The following IAPP variants were observed in gnomAD, a reference collection of about 807,000 sequenced individuals.
IAPP encodes the protein Islet amyloid polypeptide (diabetes-associated peptide; amylin).
Under a neutral mutation model 2.9 loss-of-function variants are expected in IAPP, and 4 were observed. The observed-to-expected ratio is 1.39, with a 90% CI of 0.69 to 3.19. IAPP has a LOEUF of 3.19. Ranked by LOEUF, IAPP falls within the 30% of genes most tolerant of loss-of-function variation. The pLI is 0.01. For synonymous variants in IAPP, 40 were observed against 42.1 expected, an observed-to-expected ratio of 0.95 and a Z score of 0.19; for missense variants, 114 against 105.3, an observed-to-expected ratio of 1.08 and a Z score of -0.36.
Position 21,378,504 on chromosome 12 carries a change from C to A in IAPP, c.*78C>A. ...AATTTAACAGTGCCCTTTTCATCTCCAGTGTGAATATATGGTCTGTGTGTC... is the reference window on the plus strand; with the variant it reads ...AATTTAACAGTGCCCTTTTCATCTCAAGTGTGAATATATGGTCTGTGTGTC... On this transcript the variant is annotated 3_prime_UTR_variant, in exon 3 of 3. Transcript: ENST00000240652. The A allele has an allele frequency of 8.6e-7, 1 of 1,156,984 alleles. No individual in the cohort carries two copies. Among genetic ancestry groups the A allele is most frequent in the Non-Finnish European group, 1.3e-6 (1 of 768,186 alleles). The allele number at this position is 1,156,984 out of a possible 1,614,324, so 71.7% of individuals were successfully genotyped here. A position where few individuals can be genotyped will look rare whatever the true frequency, so the allele number is the denominator to read the frequency against.
upstream of IAPP, among the ~76,000 whole-genome samples, chr12:21,369,366 C>T (rs1302519293): frequency 6.6e-6 from 1 of 152,132 alleles, no homozygotes; most frequent in Non-Finnish European, 1.5e-5. Context: ...TCACTGACAT[C>T]GTCTGCTAAT....
intron 1 of IAPP, among the ~76,000 whole-genome samples, chr12:21,361,618 C>G (rs893852792): frequency 2.0e-5 from 3 of 152,048 alleles, no homozygotes; most frequent in Non-Finnish European, 4.4e-5. Flanking sequence ...ATGTTTGAAC[C>G]TATCACAAAG....
Position 21,361,384 on chromosome 12 carries a change from A to G in IAPP, c.-16+6371A>G, listed in dbSNP as rs1938865715. The stretch of plus-strand genomic sequence containing the variant: ...ACATCCACACCAAAACCCCATCTGT[A>G]GGTCACCATGATCAGAGACGAAATG... On this transcript the variant is annotated intron_variant, in intron 1 of 2. Coordinates refer to the IAPP transcript ENST00000539393. Among the ~76,000 whole-genome samples, 5 of 152,322 alleles carry G rather than the reference A, an allele frequency of 3.3e-5. No homozygotes were observed. The South Asian group carries it at 1.0e-3, about 32-fold the overall frequency.
In IAPP at chr12:21,373,399, A is replaced by G. The variant is rs1273239812; in HGVS notation, c.48A>G (p.Ala16=). Residue 16 remains alanine, a synonymous_variant, in exon 2 of 3, where the codon GCA becomes GCG. Transcript: ENST00000240652. The part of the protein sequence containing the change: ...LQVFLIVLSV[A]LNHLKATPIE... ...TATTTCTCATTGTGCTCTCTGTTGC[A>G]TTGAACCATCTGAAAGCTACACCCA... 1.2e-6 allele frequency: 2 copies of G among 1,613,614 alleles called. No homozygotes were observed. The highest frequency in any genetic ancestry group is 2.2e-5 in the East Asian group (1 of 44,816).
rs1940419131 is a variant in IAPP at position 21,379,086 on chromosome 12, G to C, written c.*660G>C. 1 of 152,044 alleles carries C rather than the reference G, an allele frequency of 6.6e-6. No homozygotes were observed. The highest frequency in any genetic ancestry group is 2.4e-5 in the African/African-American group (1 of 41,404). The allele number at this position is 152,044 out of a possible 1,614,324, so 9.4% of individuals were successfully genotyped here. A position where few individuals can be genotyped will look rare whatever the true frequency, so the allele number is the denominator to read the frequency against. ...TGAGACTCGTCTCAAAAAAAAGAAAGAAAATTAGTAATTGTAAGTACCCCT... is the reference window on the plus strand; with the variant it reads ...TGAGACTCGTCTCAAAAAAAAGAAACAAAATTAGTAATTGTAAGTACCCCT... On this transcript the variant is annotated 3_prime_UTR_variant, in exon 3 of 3. Coordinates refer to ENST00000240652, the MANE Select transcript of IAPP (RefSeq NM_000415.3).
Position 21,378,416 on chromosome 12 carries a change from T to G in IAPP, c.260T>G (p.Leu87Trp). 1 of 1,613,342 alleles carries G rather than the reference T, an allele frequency of 6.2e-7. No individual in the cohort carries two copies. Among genetic ancestry groups the G allele is most frequent in the Non-Finnish European group, 8.5e-7 (1 of 1,179,226 alleles). ...EVLKREPLNYLPL is the reference protein window; with the variant it reads ...EVLKREPLNYWPL Reference sequence around the variant, plus strand: ...TTAAAGAGAGAGCCACTGAATTACTTGCCCCTTTAGAGGACAATGTAACTC... The same window carrying G: ...TTAAAGAGAGAGCCACTGAATTACTGGCCCCTTTAGAGGACAATGTAACTC... The change falls in exon 3 of 3, where the codon TTG (leucine) becomes TGG (tryptophan). Residue 87 changes from leucine to tryptophan, a missense_variant. Transcript: ENST00000240652.
intron 1 of IAPP, among the ~76,000 whole-genome samples, chr12:21,356,597 T>C (rs995078189): frequency 6.6e-6 from 1 of 152,074 alleles, no homozygotes; most frequent in Non-Finnish European, 1.5e-5. Flanking sequence ...AAATGTGACA[T>C]AGAAAAGTAG....
upstream of IAPP, among the ~76,000 whole-genome samples, chr12:21,367,915 A>G (rs1213168216): frequency 6.6e-6 from 1 of 152,196 alleles, no homozygotes; most frequent in African/African-American, 2.4e-5. Flanking sequence ...AGGTAATCAA[A>G]TAGTTAACAA....
At chr12:21,376,002 A>G (rs746477200) in intron 2 of IAPP, among the ~76,000 whole-genome samples, 92 of 152,336 alleles carry the variant, frequency 6.0e-4, no homozygotes, top group Non-Finnish European at 1.1e-3. Context: ...AATCTTATAT[A>G]TACTGAATAG....
intron 2 of IAPP, among the ~76,000 whole-genome samples, chr12:21,374,783 T>C (rs1042642836): frequency 6.6e-6 from 1 of 152,000 alleles, no homozygotes; most frequent in Non-Finnish European, 1.5e-5. Flanking sequence ...CTAAGCACTT[T>C]TACCCTCTCT....
At chr12:21,362,424 G>A (rs930172003) in intron 1 of IAPP, among the ~76,000 whole-genome samples, 30 of 152,214 alleles carry the variant, frequency 2.0e-4, no homozygotes, top group African/African-American at 4.8e-4. Context: ...AGGAACAACC[G>A]GTACGAGCCA....
At chr12:21,367,777 C>A (rs1196785999) in intron 1 of IAPP, among the ~76,000 whole-genome samples, 3 of 151,620 alleles carry the variant, frequency 2.0e-5, no homozygotes, top group Non-Finnish European at 4.4e-5. Context: ...GGAAGGGATT[C>A]CTGTTGATCC....
intron 2 of IAPP, among the ~76,000 whole-genome samples, chr12:21,375,564 C>G (rs1407868855): frequency 6.6e-6 from 1 of 152,190 alleles, no homozygotes; most frequent in Non-Finnish European, 1.5e-5. Context: ...AACTTTTTTA[C>G]ACTCCCTTGT....
intron 1 of IAPP, among the ~76,000 whole-genome samples, chr12:21,362,377 C>T (rs1282795938): frequency 6.6e-6 from 1 of 152,282 alleles, no homozygotes; most frequent in Admixed American, 6.5e-5. Context: ...CCATGCCTGA[C>T]TTACAAGAGC....
chr12:21,376,673 C>A (rs1295190849), intron 2 of IAPP, among the ~76,000 whole-genome samples: 5 of 149,746 alleles, frequency 3.3e-5, no homozygotes, highest in Non-Finnish European at 5.9e-5. Flanking sequence ...AAAAAAAAAA[C>A]AGTTTCACAT....
chr12:21,362,082 A>T (rs189196715), intron 1 of IAPP, among the ~76,000 whole-genome samples: 176 of 152,310 alleles, frequency 1.2e-3, no homozygotes, highest in African/African-American at 4.1e-3. Flanking sequence ...AAACTCCAAG[A>T]CACATAATTG....
chr12:21,362,650 G>A (rs1939011379), intron 1 of IAPP, among the ~76,000 whole-genome samples: 1 of 152,076 alleles, frequency 6.6e-6, no homozygotes, highest in Admixed American at 6.6e-5. Context: ...GTATTCAGGA[G>A]ACCCATCTCA....
chr12:21,369,267 GT>G (rs1939613780), upstream of IAPP, among the ~76,000 whole-genome samples: 1 of 151,990 alleles, frequency 6.6e-6, no homozygotes, highest in Non-Finnish European at 1.5e-5. Context: ...TCATGTCATT[GT>G]CAAAGCATGT....
chr12:21,372,760 T>C (rs914376780), upstream of IAPP: 1 of 155,854 alleles, frequency 6.4e-6, no homozygotes, highest in African/African-American at 2.4e-5. Context: ...AATGTAATAA[T>C]GACCCATCCG....
Sources: gnomAD v4.1 joint callset for allele counts (sites outside exome capture counted in the v4.1 genomes callset) on GRCh38, gnomAD v4.1.1 for gene constraint, MANE v1.5 for transcripts, NCBI Gene and HGNC (gene_info 2026-07-23, HGNC 2026-07-21) for gene names.